Variants in METTL24 observed in about 807,000 individuals in gnomAD.
The protein encoded by METTL24 is probable methyltransferase-like protein 24.
In METTL24, 29 loss-of-function variants were observed where a neutral mutation model predicts 32.7. That is an observed-to-expected ratio of 0.89 (90% CI 0.66 to 1.21). METTL24 has a LOEUF of 1.21. Among genes scored for constraint, METTL24 ranks in the 50% most tolerant of loss-of-function variants. The pLI is 0.00. For missense variants in METTL24, 439 were observed against 468.1 expected, an observed-to-expected ratio of 0.94 and a Z score of 0.57; for synonymous variants, 163 against 179.5, an observed-to-expected ratio of 0.91 and a Z score of 0.73.
At position 110,358,126 on chromosome 6, in the gene METTL24, C is replaced by T. The variant is rs1253262944; in HGVS notation, c.147G>A (p.Pro49=). 7 of 1,089,422 alleles carry T rather than the reference C, an allele frequency of 6.4e-6. No homozygotes were observed. Among genetic ancestry groups the T allele is most frequent in the Non-Finnish European group, 5.6e-6 (5 of 897,996 alleles). The allele number at this position is 1,089,422 out of a possible 1,614,324, so 67.5% of individuals were successfully genotyped here. A position where few individuals can be genotyped will look rare whatever the true frequency, so the allele number is the denominator to read the frequency against. Residue 49 remains proline (P), a synonymous_variant, in exon 1 of 5, where the codon CCG becomes CCA. Transcript: ENST00000338882. ...GGTGCGGCCCAGGTGGCCGCCAGGC[C>T]GGGCCCGGCGGGGCGCTGCGGGTGG... The part of the protein sequence containing the change: ...GSPTRSAPPG[P]AWRPPGPHLP...
Position 110,358,137 on chromosome 6 carries a change from G to T in METTL24, c.136C>A (p.Pro46Thr). The T allele has an allele frequency of 2.6e-6, 3 of 1,138,912 alleles. No individual in the cohort carries two copies. Among genetic ancestry groups the T allele is most frequent in the East Asian group, 4.2e-5 (1 of 23,730 alleles). 70.6% of individuals were successfully genotyped at this position (1,138,912 alleles called of 1,614,324 possible). ...GGTGGCCGCCAGGCCGGGCCCGGCG[G>T]GGCGCTGCGGGTGGGGGACCCGGGC... ...AGPGSPTRSA[P>T]PGPAWRPPGP... Residue 46 changes from proline to threonine, a missense_variant, in exon 1 of 5, where the codon CCG becomes ACG. By Grantham distance (38) the Pro-to-Thr change is conservative. Transcript: ENST00000338882.
At chr6:110,259,846 G>C (rs887932309) in intron 4 of METTL24, among the ~76,000 whole-genome samples, 11 of 152,296 alleles carry the variant, frequency 7.2e-5, no homozygotes, top group African/African-American at 2.4e-4. Context: ...TGGATACCCA[G>C]GCAAACAGGG....
chr6:110,270,269 A>G (rs996565274), intron 4 of METTL24, among the ~76,000 whole-genome samples: 3 of 151,582 alleles, frequency 2.0e-5, no homozygotes, highest in Non-Finnish European at 4.4e-5. Flanking sequence ...AGGATCCTCT[A>G]TCCTCTTACT....
In METTL24 at chr6:110,358,149, TGGGG is replaced by T; in HGVS notation, c.120_123del (p.Thr42AlafsTer31). On this transcript the variant is annotated frameshift_variant, in exon 1 of 5. Coordinates refer to ENST00000338882, the MANE Select transcript of METTL24 (RefSeq NM_001123364.3). LOFTEE classifies it high-confidence loss of function. ...GCCGGGCCCGGCGGGGCGCTGCGGG[TGGGG>T]GACCCGGGCCCGGCGCGCCGCAGCT... is the stretch of plus-strand genomic sequence containing the variant. 8.5e-7 allele frequency: 1 copy of T among 1,177,164 alleles called. No homozygotes were observed. The highest frequency in any genetic ancestry group is 1.0e-6 in the Non-Finnish European group (1 of 954,500). The allele number at this position is 1,177,164 out of a possible 1,614,324, so 72.9% of individuals were successfully genotyped here. A position where few individuals can be genotyped will look rare whatever the true frequency, so the allele number is the denominator to read the frequency against.
chr6:110,251,652 G>A (rs1778281122), intron 4 of METTL24, among the ~76,000 whole-genome samples: 1 of 152,166 alleles, frequency 6.6e-6, no homozygotes, highest in Admixed American at 6.5e-5. Flanking sequence ...CAAGTTCAAG[G>A]TTGGCAGGTT....
chr6:110,348,679 CAA>C, intron 1 of METTL24, among the ~76,000 whole-genome samples: 1 of 152,360 alleles, frequency 6.6e-6, no homozygotes, highest in East Asian at 1.9e-4. Flanking sequence ...GGAGGTCGTT[CAA>C]CCAGCTCCAA....
chr6:110,308,710 A>G (rs936861322), intron 3 of METTL24, among the ~76,000 whole-genome samples: 2 of 152,236 alleles, frequency 1.3e-5, no homozygotes, highest in African/African-American at 4.8e-5. Context: ...CAATGAATGA[A>G]TAAATAAAAT....
chr6:110,317,607 T>A (rs1006879524), intron 2 of METTL24, among the ~76,000 whole-genome samples: 1 of 152,048 alleles, frequency 6.6e-6, no homozygotes, highest in African/African-American at 2.4e-5. Context: ...TCCTGGGATA[T>A]TTTTATTAAA....
chr6:110,309,866 A>AAC (rs1554214951), intron 3 of METTL24, among the ~76,000 whole-genome samples: 3 of 152,026 alleles, frequency 2.0e-5, no homozygotes, highest in African/African-American at 7.3e-5. Context: ...TAGGAGCAAA[A>AAC]AAAACAAAAC....
intron 4 of METTL24, chr6:110,253,983 G>A: frequency 8.2e-6 from 11 of 1,334,070 alleles, no homozygotes; most frequent in Non-Finnish European, 1.1e-5. Context: ...CTCAACTCAA[G>A]AGCAGCTCCC....
chr6:110,286,535 G>A (rs999808180), intron 4 of METTL24, among the ~76,000 whole-genome samples: 8 of 152,158 alleles, frequency 5.3e-5, no homozygotes, highest in South Asian at 2.1e-4. Context: ...AGTCTAAGCC[G>A]CACACAGTCG....
At chr6:110,273,739 A>T (rs916022199) in intron 4 of METTL24, among the ~76,000 whole-genome samples, 3 of 152,224 alleles carry the variant, frequency 2.0e-5, no homozygotes, top group Non-Finnish European at 4.4e-5. Flanking sequence ...GTTGGCATGG[A>T]TGTGGTGAAA....
intron 4 of METTL24, among the ~76,000 whole-genome samples, chr6:110,264,175 T>C (rs1297096107): frequency 3.3e-5 from 5 of 151,140 alleles, no homozygotes; most frequent in Non-Finnish European, 5.9e-5. Flanking sequence ...ACCACCAGAG[T>C]GAACAGGCAA....
chr6:110,285,701 C>T (rs916726654), intron 4 of METTL24, among the ~76,000 whole-genome samples: 2 of 152,172 alleles, frequency 1.3e-5, no homozygotes, highest in Non-Finnish European at 2.9e-5. Flanking sequence ...GCTCACTGAA[C>T]GTAACATTCC....
intron 3 of METTL24, among the ~76,000 whole-genome samples, chr6:110,303,970 G>A (rs181289177): frequency 6.6e-6 from 1 of 152,326 alleles, no homozygotes; most frequent in East Asian, 1.9e-4. Flanking sequence ...AGAGGAAGGA[G>A]CAGGCAGCAA....
chr6:110,263,257 G>A (rs1352192154), intron 4 of METTL24, among the ~76,000 whole-genome samples: 1 of 152,114 alleles, frequency 6.6e-6, no homozygotes, highest in African/African-American at 2.4e-5. Context: ...AAGCTGATAA[G>A]CAACTTCAGC....
chr6:110,255,798 A>G (rs1267965581), intron 4 of METTL24, among the ~76,000 whole-genome samples: 2 of 152,212 alleles, frequency 1.3e-5, no homozygotes, highest in East Asian at 3.8e-4. Context: ...CCAAGTAAAC[A>G]TCCAAATAAA....
At chr6:110,255,105 A>G (rs1049991639) in intron 4 of METTL24, among the ~76,000 whole-genome samples, 3 of 152,182 alleles carry the variant, frequency 2.0e-5, no homozygotes, top group Admixed American at 2.0e-4. Flanking sequence ...CCTACAGATT[A>G]TGAGAAATAT....
chr6:110,277,109 A>G (rs1231651387), intron 4 of METTL24, among the ~76,000 whole-genome samples: 1 of 152,184 alleles, frequency 6.6e-6, no homozygotes, highest in African/African-American at 2.4e-5. Flanking sequence ...AAAAAAAATC[A>G]CAAAAGATTG....
Sources: gnomAD v4.1 joint callset for allele counts (sites outside exome capture counted in the v4.1 genomes callset) on GRCh38, gnomAD v4.1.1 for gene constraint, MANE v1.5 for transcripts, NCBI Gene and HGNC (gene_info 2026-07-23, HGNC 2026-07-21) for gene names.